PRKCB: variants seen among roughly 807,000 people sequenced by gnomAD.
The protein encoded by PRKCB is protein kinase C beta.
A neutral mutation model predicts 81.5 loss-of-function variants in PRKCB; 13 were observed. The observed-to-expected ratio is 0.16, with a 90% CI of 0.10 to 0.25. PRKCB has a LOEUF of 0.25. Among genes scored for constraint, PRKCB ranks in the 10% least tolerant of loss-of-function variants. The pLI is 1.00. For synonymous variants in PRKCB, 335 were observed against 321.4 expected, an observed-to-expected ratio of 1.04 and a Z score of -0.45; for missense variants, 509 against 875.7, an observed-to-expected ratio of 0.58 and a Z score of 5.29.
intron 2 of PRKCB, among the ~76,000 whole-genome samples, chr16:23,976,439 G>A (rs1451719771): frequency 6.6e-6 from 1 of 152,202 alleles, no homozygotes; most frequent in Non-Finnish European, 1.5e-5. Context: ...CTCTTTGGGT[G>A]TCCTGAGTCA....
chr16:23,903,051 C>T (rs1347185784), intron 2 of PRKCB, among the ~76,000 whole-genome samples: 1 of 145,022 alleles, frequency 6.9e-6, no homozygotes, highest in Non-Finnish European at 1.5e-5. Context: ...TGGCTGGTCT[C>T]AAACTCCTGG....
At chr16:23,846,126 A>C (rs1402501856) in intron 2 of PRKCB, among the ~76,000 whole-genome samples, 1 of 152,228 alleles carries the variant, frequency 6.6e-6, no homozygotes, top group Non-Finnish European at 1.5e-5. Context: ...GTTTAACAAT[A>C]AACAGTGTTG....
chr16:24,187,308 T>C (rs1967717447), intron 15 of PRKCB, among the ~76,000 whole-genome samples: 3 of 152,228 alleles, frequency 2.0e-5, no homozygotes, highest in Admixed American at 6.5e-5. Flanking sequence ...TGGCCAATTC[T>C]CTCCAAGTTC....
intron 2 of PRKCB, among the ~76,000 whole-genome samples, chr16:23,974,059 T>C (rs922452487): frequency 6.6e-6 from 1 of 152,062 alleles, no homozygotes; most frequent in Non-Finnish European, 1.5e-5. Flanking sequence ...GTCTCATATA[T>C]ATATATTTGC....
chr16:24,108,329 T>A (rs1966606284), intron 7 of PRKCB, among the ~76,000 whole-genome samples: 1 of 146,600 alleles, frequency 6.8e-6, no homozygotes, highest in Non-Finnish European at 1.5e-5. Context: ...TTATTTTTTA[T>A]TTTATTTTTT....
At chr16:24,199,344 G>C (rs1247471225) in intron 16 of PRKCB, among the ~76,000 whole-genome samples, 1 of 152,232 alleles carries the variant, frequency 6.6e-6, no homozygotes, top group Non-Finnish European at 1.5e-5. Context: ...ATCTGTTCAT[G>C]TGACATTCTC....
intron 2 of PRKCB, among the ~76,000 whole-genome samples, chr16:23,916,095 C>G (rs564071998): frequency 6.6e-6 from 1 of 152,006 alleles, no homozygotes; most frequent in African/African-American, 2.4e-5. Context: ...GCTCAGTTGC[C>G]CAGGCTGGAG....
At chr16:24,128,255 T>G (rs373265897) in intron 9 of PRKCB, among the ~76,000 whole-genome samples, 8 of 152,030 alleles carry the variant, frequency 5.3e-5, no homozygotes, top group African/African-American at 1.7e-4. Flanking sequence ...GGCGCCTGTA[T>G]TCCCAGCTAC....
At chr16:24,035,274 G>T (rs147534535) in intron 4 of PRKCB, 145 bp from the exon 5 acceptor site, 95 of 1,012,778 alleles carry the variant, frequency 9.4e-5, no homozygotes, top group Non-Finnish European at 1.1e-4. Context: ...ATCCTGGCAG[G>T]CAAGTTGGTC....
chr16:23,965,067 A>G (rs1391928313), intron 2 of PRKCB, among the ~76,000 whole-genome samples: 3 of 152,102 alleles, frequency 2.0e-5, no homozygotes, highest in Non-Finnish European at 4.4e-5. Context: ...GGTAAATTGC[A>G]TGTCCCTGGA....
At chr16:24,053,221 A>G (rs1965863439) in intron 5 of PRKCB, among the ~76,000 whole-genome samples, 1 of 152,254 alleles carries the variant, frequency 6.6e-6, no homozygotes, top group African/African-American at 2.4e-5. Flanking sequence ...CATGTCAGGC[A>G]TTGACTTAGT....
rs113329705 is a variant in PRKCB at position 24,129,486 on chromosome 16, TC to T, written c.1065+5507del. The stretch of plus-strand genomic sequence containing the variant: ...TACAAAAAAAAACGAAGTGACTCTC[TC>T]CTCTCTCTTTCTGTCCCTCTCTCAT... On this transcript the variant is annotated intron_variant, in intron 9 of 16. Coordinates refer to ENST00000643927, the MANE Select transcript of PRKCB (RefSeq NM_002738.7). Among the ~76,000 whole-genome samples, 1,479 of 152,052 alleles carry T rather than the reference TC, an allele frequency of 9.7e-3. 35 individuals carry two copies. The highest frequency in any genetic ancestry group is 0.034 in the African/African-American group (1,404 of 41,456).
At chr16:24,212,085 G>T (rs570933966) in intron 16 of PRKCB, among the ~76,000 whole-genome samples, 1 of 152,228 alleles carries the variant, frequency 6.6e-6, no homozygotes, top group Admixed American at 6.5e-5. Flanking sequence ...CAATTGCAAT[G>T]ATCCTTTTTC....
chr16:23,899,603 ACT>A (rs370318979), intron 2 of PRKCB, among the ~76,000 whole-genome samples: 672 of 45,594 alleles, frequency 0.015, 88 homozygotes, highest in African/African-American at 0.042. Context: ...ATCCATAAGA[ACT>A]CTCTCTCTCT....
intron 5 of PRKCB, among the ~76,000 whole-genome samples, chr16:24,046,424 C>T (rs1006382925): frequency 2.6e-5 from 4 of 152,146 alleles, no homozygotes; most frequent in African/African-American, 9.7e-5. Flanking sequence ...AAACAAAACA[C>T]TTTGAGAAAA....
intron 2 of PRKCB, among the ~76,000 whole-genome samples, chr16:23,899,624 CTCTCTCTCTCTCTCTCTCTCTG>C (rs1963435993): frequency 6.6e-5 from 1 of 15,102 alleles, no homozygotes; most frequent in African/African-American, 1.2e-4. Context: ...CTCTCTCTCT[CTCTCTCTCTCTCTCTCTCTCTG>C]TGTGTGTGTG....
chr16:24,089,959 C>A (rs185750310), intron 5 of PRKCB, among the ~76,000 whole-genome samples: 132 of 152,260 alleles, frequency 8.7e-4, no homozygotes, highest in African/African-American at 2.9e-3. Context: ...CTTGTAACAA[C>A]CTATTTTATT....
At chr16:24,119,074 T>C (rs1966767247) in intron 8 of PRKCB, among the ~76,000 whole-genome samples, 1 of 151,890 alleles carries the variant, frequency 6.6e-6, no homozygotes, top group Non-Finnish European at 1.5e-5. Context: ...ACTAATTAAA[T>C]ATTAAAATGA....
chr16:24,201,853 G>A (rs1270265603), intron 16 of PRKCB, among the ~76,000 whole-genome samples: 1 of 152,076 alleles, frequency 6.6e-6, no homozygotes, highest in African/African-American at 2.4e-5. Context: ...GGCTAACACG[G>A]TGAAACCCCA....
Sources: gnomAD v4.1 joint callset for allele counts (sites outside exome capture counted in the v4.1 genomes callset) on GRCh38, gnomAD v4.1.1 for gene constraint, MANE v1.5 for transcripts, NCBI Gene and HGNC (gene_info 2026-07-23, HGNC 2026-07-21) for gene names.